ARID2: variants seen among roughly 807,000 people sequenced by gnomAD.
ARID2 encodes AT-rich interactive domain-containing protein 2.
A neutral mutation model predicts 184.6 loss-of-function variants in ARID2; 32 were observed. That is an observed-to-expected ratio of 0.17 (90% CI 0.13 to 0.23). The LOEUF is 0.23. ARID2 is among the 10% of genes least tolerant of loss of function. The probability of loss-of-function intolerance (pLI) is 1.00; values close to 1 mark genes in which losing one functional copy is unlikely to be tolerated. For synonymous variants in ARID2, 836 were observed against 772.6 expected (o/e 1.08, Z -1.36); for missense variants, 1,696 against 2,197.6 (o/e 0.77, Z 4.56).
Position 45,907,521 on chromosome 12 carries a change from G to T in ARID2, c.*2443G>T. 4.3e-6 allele frequency: 1 copy of T among 233,150 alleles called. No individual in the cohort carries two copies. The highest frequency in any genetic ancestry group is 5.6e-5 in the Admixed American group (1 of 17,788). The allele number at this position is 233,150 out of a possible 1,614,324, so 14.4% of individuals were successfully genotyped here. A position where few individuals can be genotyped will look rare whatever the true frequency, so the allele number is the denominator to read the frequency against. ...AGCAGAGAATTTCCTAAATGCGTTT[G>T]ACCTAATGAAACTGATCATGGCTTC... On this transcript the variant is annotated 3_prime_UTR_variant, in exon 21 of 21. Coordinates refer to ENST00000334344, the MANE Select transcript of ARID2 (RefSeq NM_152641.4).
intron 16 of ARID2, among the ~76,000 whole-genome samples, chr12:45,887,176 G>C (rs983116054): frequency 2.6e-5 from 4 of 152,094 alleles, no homozygotes; most frequent in African/African-American, 9.7e-5. Context: ...CTAATCCTGA[G>C]CTTTCACTGC....
chr12:45,740,633 C>T (rs1941234118), intron 3 of ARID2, among the ~76,000 whole-genome samples: 1 of 151,994 alleles, frequency 6.6e-6, no homozygotes, highest in African/African-American at 2.4e-5. Context: ...GAAACCTTAA[C>T]ATGGATAAAA....
chr12:45,820,618 T>G (rs1011880768), intron 5 of ARID2, among the ~76,000 whole-genome samples: 1 of 152,178 alleles, frequency 6.6e-6, no homozygotes, highest in Non-Finnish European at 1.5e-5. Flanking sequence ...GGAGCTAATG[T>G]GATAGTTGAT....
chr12:45,730,499 G>T (rs534541709), intron 2 of ARID2, among the ~76,000 whole-genome samples: 2 of 151,482 alleles, frequency 1.3e-5, no homozygotes, highest in Non-Finnish European at 3.0e-5. Flanking sequence ...GCTCGCTCGC[G>T]AGTCAGCTCT....
intron 3 of ARID2, among the ~76,000 whole-genome samples, chr12:45,770,206 TCG>T (rs1941844868): frequency 6.6e-6 from 1 of 151,200 alleles, no homozygotes; most frequent in South Asian, 2.1e-4. Flanking sequence ...TGAGCCGAGA[TCG>T]TGCCACTGCA....
chr12:45,777,600 A>G (rs963460679), intron 3 of ARID2, among the ~76,000 whole-genome samples: 1 of 151,936 alleles, frequency 6.6e-6, no homozygotes, highest in Non-Finnish European at 1.5e-5. Context: ...TATGCAGGTT[A>G]TACTACTAAA....
chr12:45,832,180 A>G (rs201126829), intron 6 of ARID2, among the ~76,000 whole-genome samples: 3 of 152,222 alleles, frequency 2.0e-5, no homozygotes, highest in Non-Finnish European at 4.4e-5. Context: ...TTTTTGATGC[A>G]TATAAAACTG....
At chr12:45,753,139 T>G (rs1941497705) in intron 3 of ARID2, among the ~76,000 whole-genome samples, 1 of 152,120 alleles carries the variant, frequency 6.6e-6, no homozygotes, top group African/African-American at 2.4e-5. Context: ...GGCGCATGCC[T>G]GTAACCCCAG....
intron 16 of ARID2, among the ~76,000 whole-genome samples, chr12:45,871,075 A>G (rs1455919449): frequency 2.0e-5 from 3 of 152,194 alleles, no homozygotes; most frequent in East Asian, 1.9e-4. Flanking sequence ...TTGTATTCCT[A>G]CCAGCAGTGA....
chr12:45,861,429 G>A (rs963729701), intron 16 of ARID2, among the ~76,000 whole-genome samples: 5 of 152,072 alleles, frequency 3.3e-5, no homozygotes, highest in African/African-American at 9.7e-5. Flanking sequence ...ATTTAATTAA[G>A]ATGAACTTTT....
At chr12:45,903,010 G>A (rs1944478384) in intron 20 of ARID2, among the ~76,000 whole-genome samples, 1 of 152,086 alleles carries the variant, frequency 6.6e-6, no homozygotes, top group Non-Finnish European at 1.5e-5. Context: ...TTAAGAAATA[G>A]AGCAATATCA....
intron 3 of ARID2, among the ~76,000 whole-genome samples, chr12:45,767,779 A>AT (rs1941799768): frequency 1.3e-5 from 2 of 152,242 alleles, no homozygotes; most frequent in African/African-American, 4.8e-5. Flanking sequence ...GAGGAAAAAA[A>AT]TCTACTTCAC....
chr12:45,764,555 CTG>C (rs1005548477), intron 3 of ARID2, among the ~76,000 whole-genome samples: 4 of 152,192 alleles, frequency 2.6e-5, no homozygotes, highest in African/African-American at 9.7e-5. Context: ...AACCGCTAAT[CTG>C]TTTTATACCC....
chr12:45,876,569 GA>G (rs34953202), intron 16 of ARID2, among the ~76,000 whole-genome samples: 43,890 of 135,462 alleles, frequency 0.32, 6,689 homozygotes, highest in Admixed American at 0.35. Context: ...GAAAAAAAAG[GA>G]AAAAAAAAAA....
intron 15 of ARID2, among the ~76,000 whole-genome samples, chr12:45,859,277 G>T (rs1022034658): frequency 6.6e-6 from 1 of 152,162 alleles, no homozygotes; most frequent in African/African-American, 2.4e-5. Context: ...GTTGCCTATA[G>T]TATTCGGTAC....
chr12:45,768,042 A>G (rs767130123), intron 3 of ARID2, among the ~76,000 whole-genome samples: 6 of 152,200 alleles, frequency 3.9e-5, no homozygotes, highest in Non-Finnish European at 8.8e-5. Flanking sequence ...AAAACTTGGT[A>G]AGAACATTGA....
intron 3 of ARID2, among the ~76,000 whole-genome samples, chr12:45,743,477 C>T (rs1368152131): frequency 1.3e-5 from 2 of 152,188 alleles, no homozygotes; most frequent in Admixed American, 6.5e-5. Context: ...TTTCAAGCAA[C>T]GAACTGCCTC....
chr12:45,808,251 G>T (rs1230180280), intron 3 of ARID2, among the ~76,000 whole-genome samples: 1 of 152,072 alleles, frequency 6.6e-6, no homozygotes, highest in African/African-American at 2.4e-5. Flanking sequence ...GTGTTCTCTG[G>T]TTTGTTAATA....
At chr12:45,862,386 C>T (rs1218079405) in intron 16 of ARID2, among the ~76,000 whole-genome samples, 1 of 152,060 alleles carries the variant, frequency 6.6e-6, no homozygotes, top group Non-Finnish European at 1.5e-5. Context: ...TTTAATTTGA[C>T]CATCTCTTTC....
Sources: gnomAD v4.1 joint callset for allele counts (sites outside exome capture counted in the v4.1 genomes callset) on GRCh38, gnomAD v4.1.1 for gene constraint, MANE v1.5 for transcripts, NCBI Gene and HGNC (gene_info 2026-07-23, HGNC 2026-07-21) for gene names.